Variants in ITK observed in about 807,000 individuals in gnomAD.
The protein encoded by ITK is tyrosine-protein kinase ITK/TSK.
Under a neutral mutation model 87.6 loss-of-function variants are expected in ITK, and 45 were observed. The observed-to-expected ratio is 0.51, with a 90% CI of 0.40 to 0.66. The LOEUF (loss-of-function observed/expected upper bound fraction) is 0.66. Ranked by LOEUF, ITK falls within the 30% of genes least tolerant of loss-of-function variation. The probability of loss-of-function intolerance (pLI) is 0.00; values close to 1 mark genes in which losing one functional copy is unlikely to be tolerated. For synonymous variants in ITK, 303 were observed against 273.6 expected, an observed-to-expected ratio of 1.11 and a Z score of -1.06; for missense variants, 605 against 766.3, an observed-to-expected ratio of 0.79 and a Z score of 2.48.
intron 1 of ITK, among the ~76,000 whole-genome samples, chr5:157,197,795 C>T (rs152104): frequency 3.3e-5 from 5 of 152,062 alleles, no homozygotes; most frequent in African/African-American, 4.8e-5. Flanking sequence ...ACTAATTTAA[C>T]CATTTGTCTA....
rs1755171932 is a variant in ITK, at chr5:157,252,900, C to T, written c.*222C>T. ...CACCAAGCTGGGAGCTGAGCCAGAACAGGAGTGATGTCTCTGCCCTTCCTC... is the reference window on the plus strand; with the variant it reads ...CACCAAGCTGGGAGCTGAGCCAGAATAGGAGTGATGTCTCTGCCCTTCCTC... On this transcript the variant is annotated 3_prime_UTR_variant, in exon 17 of 17. Coordinates refer to ENST00000422843, the MANE Select transcript of ITK (RefSeq NM_005546.4). 3.0e-5 allele frequency: 18 copies of T among 595,562 alleles called. 1 individual carries two copies. In the South Asian group the frequency reaches 3.1e-4, roughly 10 times the overall value. The allele number at this position is 595,562 out of a possible 1,614,324, so 36.9% of individuals were successfully genotyped here.
At chr5:157,241,625 T>C in intron 10 of ITK, 21 bp from the exon 11 acceptor site, 1 of 1,599,886 alleles carries the variant, frequency 6.3e-7, no homozygotes. Context: ...CCACTGCTTC[T>C]TGGCTTTTCA....
At chr5:157,230,363 A>C (rs1754625818) in intron 7 of ITK, among the ~76,000 whole-genome samples, 1 of 152,230 alleles carries the variant, frequency 6.6e-6, no homozygotes, top group Non-Finnish European at 1.5e-5. Context: ...TTAATTACTC[A>C]CTAAATATAA....
intron 1 of ITK, among the ~76,000 whole-genome samples, chr5:157,203,095 C>A (rs544391634): frequency 3.2e-4 from 49 of 152,314 alleles, no homozygotes; most frequent in Middle Eastern, 6.8e-3. Flanking sequence ...TTCTTAGATG[C>A]CCTTTCTCTC....
intron 1 of ITK, among the ~76,000 whole-genome samples, chr5:157,189,399 C>G (rs152119): frequency 0.76 from 114,955 of 152,126 alleles, 43,799 homozygotes; most frequent in African/African-American, 0.86. Flanking sequence ...TCAGTTTCAG[C>G]CTGGGCACAG....
intron 6 of ITK, 48 bp downstream of exon 6, chr5:157,223,062 A>G (rs34124871): frequency 0.024 from 39,336 of 1,607,894 alleles, 608 homozygotes; most frequent in Non-Finnish European, 0.03. Flanking sequence ...GTGTGGTGCG[A>G]ACAAATAAAA....
intron 1 of ITK, among the ~76,000 whole-genome samples, chr5:157,182,332 G>A (rs773201719): frequency 2.6e-5 from 4 of 152,166 alleles, no homozygotes; most frequent in Non-Finnish European, 4.4e-5. Context: ...AGCACTTCAT[G>A]AGATGGAGCT....
In ITK at chr5:157,228,286, C is replaced by T; in HGVS notation, c.648-10C>T. 1 of 1,564,566 alleles carries T rather than the reference C, an allele frequency of 6.4e-7. No homozygotes were observed. The highest frequency in any genetic ancestry group is 8.8e-7 in the Non-Finnish European group (1 of 1,135,180). ...TATGTAAGTCTAAACATTAATTTTC[C>T]TTTTAACAGGCATGAAGGATATGTA... On this transcript the variant is annotated splice_polypyrimidine_tract_variant and intron_variant, in intron 6 of 16. Coordinates refer to ENST00000422843, the MANE Select transcript of ITK (RefSeq NM_005546.4).
chr5:157,225,714 G>C (rs574062356), intron 6 of ITK, among the ~76,000 whole-genome samples: 1 of 152,254 alleles, frequency 6.6e-6, no homozygotes, highest in South Asian at 2.1e-4. Flanking sequence ...CTTTCTAGTT[G>C]ATTCATGAAG....
chr5:157,185,682 C>T (rs77351411), intron 1 of ITK, among the ~76,000 whole-genome samples: 2 of 84,738 alleles, frequency 2.4e-5, no homozygotes, highest in African/African-American at 9.6e-5. Context: ...TCCGTCTCCA[C>T]AAAAAAAAAA....
At position 157,253,456 on chromosome 5, in the gene ITK, A is replaced by G. The variant is rs1392405751; in HGVS notation, c.*778A>G. The G allele has an allele frequency of 4.4e-6, 1 of 225,520 alleles. No individual in the cohort carries two copies. The highest frequency in any genetic ancestry group is 6.4e-5 in the East Asian group (1 of 15,664). 14.0% of individuals were successfully genotyped at this position (225,520 alleles called of 1,614,324 possible). A position where few individuals can be genotyped will look rare whatever the true frequency, so the allele number is the denominator to read the frequency against. On this transcript the variant is annotated 3_prime_UTR_variant, in exon 17 of 17. Coordinates refer to ENST00000422843, the MANE Select transcript of ITK (RefSeq NM_005546.4). ...CTGACGGTGGAGAACCATGTGGTGC[A>G]AGAAGAGATCTTAGGTCTCTTCTTT...
chr5:157,233,965 T>A (rs28575983), intron 8 of ITK, among the ~76,000 whole-genome samples: 303 of 18,508 alleles, frequency 0.016, no homozygotes, highest in East Asian at 0.025. Context: ...ATATATATAT[T>A]TTTTTTTTTT....
chr5:157,232,409 C>A lies in ITK; in HGVS notation c.768+15C>A, dbSNP rs753937397. On this transcript the variant is annotated intron_variant, in intron 8 of 16. Coordinates refer to ENST00000422843, the MANE Select transcript of ITK (RefSeq NM_005546.4). ...TTTTGGACACAGTAAGTCTCCTTAA[C>A]CTGTCTTTTGACATAAAATAAAATG... The A allele has an allele frequency of 6.4e-7, 1 of 1,572,600 alleles. No homozygotes were observed. Among genetic ancestry groups the A allele is most frequent in the Non-Finnish European group, 8.7e-7 (1 of 1,144,124 alleles).
intron 3 of ITK, 146 bp from the exon 4 acceptor site, chr5:157,214,045 C>T: frequency 1.3e-6 from 1 of 762,658 alleles, no homozygotes; most frequent in South Asian, 1.4e-5. Context: ...CATTTATGCG[C>T]TCAGATCAAC....
intron 6 of ITK, among the ~76,000 whole-genome samples, chr5:157,226,856 G>A (rs35668839): frequency 1.3e-5 from 2 of 152,202 alleles, no homozygotes; most frequent in East Asian, 3.9e-4. Flanking sequence ...CCAGAGTGCA[G>A]TGGCACGATC....
chr5:157,190,320 A>T (rs1054269118), intron 1 of ITK, among the ~76,000 whole-genome samples: 1 of 152,020 alleles, frequency 6.6e-6, no homozygotes, highest in Non-Finnish European at 1.5e-5. Context: ...TATGATTATT[A>T]TTGGTTTGTT....
At chr5:157,193,700 T>C (rs889261989) in intron 1 of ITK, among the ~76,000 whole-genome samples, 4 of 152,138 alleles carry the variant, frequency 2.6e-5, no homozygotes, top group Admixed American at 2.0e-4. Context: ...GATCTAAGCT[T>C]GTTTGGGTCT....
At chr5:157,247,862 A>G (rs914198323) in intron 15 of ITK, among the ~76,000 whole-genome samples, 2 of 152,210 alleles carry the variant, frequency 1.3e-5, no homozygotes, top group Non-Finnish European at 2.9e-5. Context: ...TTTTTTATCT[A>G]TACATTTCTC....
At chr5:157,186,080 A>T (rs149286805) in intron 1 of ITK, among the ~76,000 whole-genome samples, 1 of 152,312 alleles carries the variant, frequency 6.6e-6, no homozygotes, top group East Asian at 1.9e-4. Flanking sequence ...GGTTTAAACA[A>T]CTTGCCTGAT....
Sources: allele counts gnomAD v4.1 joint callset (sites outside exome capture counted in the v4.1 genomes callset), GRCh38; gene constraint gnomAD v4.1.1; transcripts MANE v1.5; gene names NCBI Gene and HGNC (gene_info 2026-07-23, HGNC 2026-07-21).